L3MBTL1: variants seen among roughly 807,000 people sequenced by gnomAD.
L3MBTL1 encodes lethal(3)malignant brain tumor-like protein 1.
In L3MBTL1, 75 loss-of-function variants were observed where a neutral mutation model predicts 105.3. That is an observed-to-expected ratio of 0.71 (90% CI 0.59 to 0.86). L3MBTL1 has a LOEUF of 0.86. L3MBTL1 is among the 40% of genes least tolerant of loss of function. The pLI, the probability that L3MBTL1 is intolerant of heterozygous loss-of-function variation, is 0.00. For missense variants in L3MBTL1, 1,069 were observed against 1,126.4 expected (o/e 0.95, Z 0.73); for synonymous variants, 452 against 436.2 (o/e 1.04, Z -0.45).
intron 7 of L3MBTL1, among the ~76,000 whole-genome samples, chr20:43,517,574 T>C (rs2018468068): frequency 6.6e-6 from 1 of 152,186 alleles, no homozygotes; most frequent in South Asian, 2.1e-4. Flanking sequence ...GGTTCTTGTA[T>C]CTGTTTTATT....
At chr20:43,538,319 G>A (rs2019734721) in intron 19 of L3MBTL1, among the ~76,000 whole-genome samples, 1 of 152,188 alleles carries the variant, frequency 6.6e-6, no homozygotes. Context: ...TAGAATTCTT[G>A]GGAAGCTACA....
intron 7 of L3MBTL1, among the ~76,000 whole-genome samples, chr20:43,517,415 A>T (rs923121300): frequency 6.6e-6 from 1 of 151,612 alleles, no homozygotes; most frequent in Non-Finnish European, 1.5e-5. Context: ...TTTAATTTTT[A>T]ATTTAAGAAA....
At chr20:43,544,910 G>C (rs1178520944), downstream of L3MBTL1, among the ~76,000 whole-genome samples, 2 of 152,270 alleles carry the variant, frequency 1.3e-5, no homozygotes, top group East Asian at 3.9e-4. Flanking sequence ...AGGTTGCAGC[G>C]AGCTGAGATC....
intron 1 of L3MBTL1, among the ~76,000 whole-genome samples, chr20:43,508,274 G>A (rs2018038717): frequency 6.6e-6 from 1 of 152,014 alleles, no homozygotes; most frequent in Non-Finnish European, 1.5e-5. Context: ...CCGTTCTGCG[G>A]AACTGTCGGA....
intron 10 of L3MBTL1, 98 bp downstream of exon 10, chr20:43,530,517 A>C (rs1600937601): frequency 1.5e-6 from 2 of 1,333,604 alleles, no homozygotes; most frequent in Non-Finnish European, 2.1e-6. Flanking sequence ...TTGTTTTCTG[A>C]CCCTGTACCC....
chr20:43,549,795 T>C (rs2269623), exon 19 of L3MBTL1: 81,201 of 151,828 alleles, frequency 0.53, 22,501 homozygotes, highest in African/African-American at 0.69. Flanking sequence ...ATGTGAGGCT[T>C]AGTGTTGGGA....
chr20:43,517,233 G>A (rs2018447557), intron 7 of L3MBTL1, among the ~76,000 whole-genome samples: 1 of 151,446 alleles, frequency 6.6e-6, no homozygotes, highest in South Asian at 2.1e-4. Flanking sequence ...TGAGTAGCTG[G>A]GACTACAGGC....
chr20:43,543,368 A>T (rs1180265931), downstream of L3MBTL1, among the ~76,000 whole-genome samples: 1 of 152,182 alleles, frequency 6.6e-6, no homozygotes, highest in East Asian at 1.9e-4. Flanking sequence ...CTTCGAATGT[A>T]GTTGTTCAGC....
chr20:43,511,264 C>T (rs766415035), intron 1 of L3MBTL1, among the ~76,000 whole-genome samples: 6 of 152,296 alleles, frequency 3.9e-5, no homozygotes, highest in South Asian at 2.1e-4. Flanking sequence ...AAATCCAACA[C>T]AAGGACTTAT....
Position 43,536,399 on chromosome 20 carries a change from C to CT in L3MBTL1, c.2124-7dup. ...ATTCCCTGCCATGGACCTGGTCCGTCTTTCTCCAGAATTGGACGCCCTCCG... is the reference window on the plus strand; with the variant it reads ...ATTCCCTGCCATGGACCTGGTCCGTCTTTTCTCCAGAATTGGACGCCCTCCG... On this transcript the variant is annotated splice_polypyrimidine_tract_variant and intron_variant, in intron 18 of 21. Transcript: ENST00000418998. 1 of 1,614,076 alleles carries CT rather than the reference C, an allele frequency of 6.2e-7. No homozygotes were observed. The highest frequency in any genetic ancestry group is 2.2e-5 in the East Asian group (1 of 44,888).
At chr20:43,510,718 A>AT (rs879805595) in intron 1 of L3MBTL1, among the ~76,000 whole-genome samples, 2,148 of 145,018 alleles carry the variant, frequency 0.015, 56 homozygotes, top group African/African-American at 0.05. Flanking sequence ...CGCCCAGCTA[A>AT]TTTTTTTTTT....
downstream of L3MBTL1, among the ~76,000 whole-genome samples, chr20:43,543,719 C>G (rs1047718257): frequency 3.3e-5 from 5 of 152,178 alleles, no homozygotes; most frequent in Non-Finnish European, 5.9e-5. Context: ...TCAAGATGCT[C>G]TCCATCTGGG....
intron 7 of L3MBTL1, among the ~76,000 whole-genome samples, chr20:43,517,185 A>T (rs1166604506): frequency 6.7e-6 from 1 of 149,606 alleles, no homozygotes; most frequent in African/African-American, 2.5e-5. Context: ...TGCAACCTCC[A>T]CCTCTTGGGT....
rs543777311 is a variant in L3MBTL1, at chr20:43,540,990, C to T, written c.2451C>T (p.Ala817=). The change falls in exon 22 of 22, where the codon GCC becomes GCT. Residue 817 remains alanine (A), a synonymous_variant. Coordinates refer to ENST00000418998, the MANE Select transcript of L3MBTL1 (RefSeq NM_001377303.1). The part of the protein sequence containing the change: ...VSGKTLVWTV[A]QLGDLVCSDH... Reference sequence around the variant, plus strand: ...GGAAGACTCTAGTCTGGACTGTGGCCCAGCTTGGGGACCTTGTGTGCTCAG... The same window carrying T: ...GGAAGACTCTAGTCTGGACTGTGGCTCAGCTTGGGGACCTTGTGTGCTCAG... 7.4e-6 allele frequency: 12 copies of T among 1,614,114 alleles called. No individual in the cohort carries two copies. The East Asian group carries it at 2.2e-4, about 30-fold the overall frequency.
Position 43,514,374 on chromosome 20 carries a change from C to T in L3MBTL1, c.361-261C>T, listed in dbSNP as rs2018245167. ...TGGGGGCGTGGCTTAGAGTGGGGTACCGTGGGACTGGGCCTGTGGGAGCCT... is the reference window on the plus strand; with the variant it reads ...TGGGGGCGTGGCTTAGAGTGGGGTATCGTGGGACTGGGCCTGTGGGAGCCT... On this transcript the variant is annotated intron_variant, in intron 3 of 21. Coordinates refer to ENST00000418998, the MANE Select transcript of L3MBTL1 (RefSeq NM_001377303.1). 7.3e-6 allele frequency: 10 copies of T among 1,370,510 alleles called. No homozygotes were observed. The East Asian group carries it at 1.8e-4, about 24-fold the overall frequency. The allele number at this position is 1,370,510 out of a possible 1,614,324, so 84.9% of individuals were successfully genotyped here. A position where few individuals can be genotyped will look rare whatever the true frequency, so the allele number is the denominator to read the frequency against.
intron 7 of L3MBTL1, chr20:43,523,413 T>G (rs1457576598): frequency 4.6e-6 from 1 of 219,644 alleles, no homozygotes; most frequent in African/African-American, 2.3e-5. Context: ...ATCCCTTGGA[T>G]CCTGAGAGCT....
In L3MBTL1 at chr20:43,513,638, A is replaced by G. The variant is rs1364341406; in HGVS notation, c.135A>G (p.Pro45=). The change falls in exon 2 of 22, where the codon CCA becomes CCG. Residue 45 remains proline, a splice_region_variant and synonymous_variant. Coordinates refer to ENST00000418998, the MANE Select transcript of L3MBTL1 (RefSeq NM_001377303.1). ...PHLPATAFII[P]ASSATLGLPS... ...TGCCCGCAACTGCCTTCATCATTCCAGGTGAGTCAAGCTAGGGTAGGAGTC... is the reference window on the plus strand; with the variant it reads ...TGCCCGCAACTGCCTTCATCATTCCGGGTGAGTCAAGCTAGGGTAGGAGTC... The G allele has an allele frequency of 1.3e-6, 2 of 1,550,610 alleles. No individual in the cohort carries two copies. The highest frequency in any genetic ancestry group is 2.0e-5 in the Admixed American group (1 of 50,980).
At position 43,514,040 on chromosome 20, in the gene L3MBTL1, G is replaced by A. The variant is rs919557808; in HGVS notation, c.339G>A (p.Pro113=). The A allele has an allele frequency of 6.3e-5, 96 of 1,535,082 alleles. No individual in the cohort carries two copies. Among genetic ancestry groups the A allele is most frequent in the Non-Finnish European group, 7.6e-5 (87 of 1,146,396 alleles). ...RLLEWTEAAA[P]PPGGGLRFRI... is the part of the protein sequence containing the mutation. The stretch of plus-strand genomic sequence containing the variant: ...TGGAATGGACAGAGGCCGCGGCCCC[G>A]CCCCCAGGGGGCGGCCTGCGGGTCA... Residue 113 remains proline, a synonymous_variant, in exon 3 of 22, where the codon CCG becomes CCA. Coordinates refer to ENST00000418998, the MANE Select transcript of L3MBTL1 (RefSeq NM_001377303.1).
In L3MBTL1 at chr20:43,514,724, CGAAG is replaced by C; in HGVS notation, c.451_454del (p.Glu151MetfsTer70). On this transcript the variant is annotated frameshift_variant, in exon 4 of 22. Transcript: ENST00000418998. LOFTEE classifies it high-confidence loss of function. ...TGCGGCAGGAAGGCGTGACCGAATACGAAGATGGCGGGGCCCCGGCGGGAGATGG... is the reference window on the plus strand; with the variant it reads ...TGCGGCAGGAAGGCGTGACCGAATACATGGCGGGGCCCCGGCGGGAGATGG... 6.3e-7 allele frequency: 1 copy of C among 1,577,200 alleles called. No homozygotes were observed. The highest frequency in any genetic ancestry group is 1.2e-5 in the South Asian group (1 of 86,590).
Sources: gnomAD v4.1 joint callset for allele counts (sites outside exome capture counted in the v4.1 genomes callset) on GRCh38, gnomAD v4.1.1 for gene constraint, MANE v1.5 for transcripts, NCBI Gene and HGNC (gene_info 2026-07-23, HGNC 2026-07-21) for gene names.